AUTS2: variants seen among roughly 807,000 people sequenced by gnomAD.
AUTS2 encodes activator of transcription and developmental regulator AUTS2.
AUTS2 carries 17 observed loss-of-function variants against 112.4 expected under a neutral mutation model. The observed-to-expected ratio is 0.15, with a 90% CI of 0.10 to 0.23. The LOEUF (loss-of-function observed/expected upper bound fraction) is 0.23, where lower values mean the gene tolerates loss of function less well. AUTS2 is among the 10% of genes least tolerant of loss of function. The probability of loss-of-function intolerance (pLI) is 1.00; values close to 1 mark genes in which losing one functional copy is unlikely to be tolerated. For missense variants in AUTS2, 1,510 were observed against 1,701.6 expected (o/e 0.89, Z 1.98); for synonymous variants, 751 against 702.7 (o/e 1.07, Z -1.09).
At chr7:70,278,610 CATACATACATACATAT>C (rs1379070929) in intron 4 of AUTS2, among the ~76,000 whole-genome samples, 3 of 146,690 alleles carry the variant, frequency 2.0e-5, no homozygotes, top group South Asian at 4.4e-4. Flanking sequence ...TACATACATA[CATACATACATACATAT>C]GTACATGCAT....
chr7:70,707,400 G>T (rs538013400), intron 6 of AUTS2, among the ~76,000 whole-genome samples: 1 of 152,206 alleles, frequency 6.6e-6, no homozygotes, highest in African/African-American at 2.4e-5. Context: ...GGTGGAGCTC[G>T]GTCCAGCTGA....
intron 1 of AUTS2, among the ~76,000 whole-genome samples, chr7:69,846,620 C>A (rs1792213126): frequency 6.6e-6 from 1 of 152,242 alleles, no homozygotes; most frequent in African/African-American, 2.4e-5. Context: ...GTCGCCCAGG[C>A]TGGAGTGCAG....
intron 2 of AUTS2, among the ~76,000 whole-genome samples, chr7:70,068,386 G>A (rs192194709): frequency 6.6e-5 from 10 of 151,448 alleles, no homozygotes; most frequent in East Asian, 1.9e-4. Flanking sequence ...GAGTTTAACC[G>A]TGTTAGCCAG....
intron 4 of AUTS2, among the ~76,000 whole-genome samples, chr7:70,319,295 G>T (rs905593114): frequency 1.1e-4 from 17 of 152,128 alleles, no homozygotes; most frequent in African/African-American, 3.9e-4. Context: ...AGGGATTTGC[G>T]AGTTGGGGGA....
At chr7:69,715,421 T>C (rs1562831447) in intron 1 of AUTS2, among the ~76,000 whole-genome samples, 1 of 152,102 alleles carries the variant, frequency 6.6e-6, no homozygotes, top group Admixed American at 6.5e-5. Context: ...AGATATTTCA[T>C]AGGCCACTGG....
intron 4 of AUTS2, among the ~76,000 whole-genome samples, chr7:70,430,531 A>G (rs1795613261): frequency 6.6e-6 from 1 of 152,136 alleles, no homozygotes; most frequent in East Asian, 1.9e-4. Context: ...GTGGGCATAG[A>G]GATTTTTGAG....
At chr7:69,726,860 AT>A (rs1414742715) in intron 1 of AUTS2, among the ~76,000 whole-genome samples, 1 of 151,948 alleles carries the variant, frequency 6.6e-6, no homozygotes, top group East Asian at 1.9e-4. Flanking sequence ...ACCATTTTCA[AT>A]TTGGTTATCT....
intron 5 of AUTS2, among the ~76,000 whole-genome samples, chr7:70,446,756 C>A (rs1244608976): frequency 6.6e-6 from 1 of 152,132 alleles, no homozygotes; most frequent in African/African-American, 2.4e-5. Context: ...TTCAGGCAGG[C>A]GGTCTGATGG....
intron 4 of AUTS2, among the ~76,000 whole-genome samples, chr7:70,228,390 T>G (rs1262677537): frequency 1.3e-5 from 2 of 151,614 alleles, no homozygotes; most frequent in African/African-American, 4.8e-5. Context: ...TAACAATCTC[T>G]TTTTTTTGAA....
At chr7:70,784,701 C>CGCTGGGAAAGAGAAA (rs1563197662) in intron 15 of AUTS2, 1 of 520,596 alleles carries the variant, frequency 1.9e-6, no homozygotes, top group Non-Finnish European at 3.3e-6. Context: ...TGGCCAGCCA[C>CGCTGGGAAAGAGAAA]GCTGGGAAAG....
intron 5 of AUTS2, among the ~76,000 whole-genome samples, chr7:70,532,600 G>A (rs763532314): frequency 5.3e-5 from 8 of 152,156 alleles, no homozygotes; most frequent in African/African-American, 1.2e-4. Context: ...CTGCATTCGC[G>A]TATCCAGCTA....
At chr7:70,591,932 G>A (rs1190152761) in intron 5 of AUTS2, among the ~76,000 whole-genome samples, 1 of 152,150 alleles carries the variant, frequency 6.6e-6, no homozygotes, top group East Asian at 1.9e-4. Flanking sequence ...TTCCCAGGAG[G>A]CTCACGGACT....
chr7:70,035,105 A>G (rs970820481), intron 2 of AUTS2, among the ~76,000 whole-genome samples: 15 of 152,340 alleles, frequency 9.8e-5, no homozygotes, highest in African/African-American at 3.4e-4. Context: ...AGAGGAGACT[A>G]TAGAAAACAG....
intron 1 of AUTS2, among the ~76,000 whole-genome samples, chr7:69,678,807 C>T (rs1796678732): frequency 6.6e-6 from 1 of 152,198 alleles, no homozygotes; most frequent in Admixed American, 6.5e-5. Flanking sequence ...AACCATAGAT[C>T]CATCTATTTC....
intron 5 of AUTS2, among the ~76,000 whole-genome samples, chr7:70,578,885 T>C (rs1802294531): frequency 6.6e-6 from 1 of 151,750 alleles, no homozygotes; most frequent in African/African-American, 2.4e-5. Context: ...AGTTATATTA[T>C]CTTTTCTTTT....
rs530392917 is a variant in AUTS2, at chr7:70,642,651, T to TA, written c.691-55917dup. Among the ~76,000 whole-genome samples, 129 of 152,328 alleles carry TA rather than the reference T, an allele frequency of 8.5e-4. 2 individuals carry two copies. Among genetic ancestry groups the TA allele is most frequent in the African/African-American group, 3.1e-3 (128 of 41,576 alleles). On this transcript the variant is annotated intron_variant, in intron 5 of 18. Transcript: ENST00000342771. ...GTCCATACTGATGACATTCCTTCCC[T>TA]ACATTCTCAGTGGAAGACATATCAC...
chr7:69,750,573 G>A (rs1352915051), intron 1 of AUTS2, among the ~76,000 whole-genome samples: 1 of 151,842 alleles, frequency 6.6e-6, no homozygotes, highest in African/African-American at 2.4e-5. Flanking sequence ...ATAACTCACT[G>A]TAGCCTCAAA....
chr7:70,009,918 A>T (rs1291383303), intron 2 of AUTS2, among the ~76,000 whole-genome samples: 1 of 152,172 alleles, frequency 6.6e-6, no homozygotes, highest in African/African-American at 2.4e-5. Context: ...TACCTTATCC[A>T]CTTTTAAAAT....
intron 1 of AUTS2, among the ~76,000 whole-genome samples, chr7:69,740,992 C>T (rs1787241037): frequency 6.6e-6 from 1 of 152,130 alleles, no homozygotes; most frequent in African/African-American, 2.4e-5. Flanking sequence ...CTTCTAGTTA[C>T]CATCTTGTTG....
Sources: gnomAD v4.1 joint callset for allele counts (sites outside exome capture counted in the v4.1 genomes callset) on GRCh38, gnomAD v4.1.1 for gene constraint, MANE v1.5 for transcripts, NCBI Gene and HGNC (gene_info 2026-07-23, HGNC 2026-07-21) for gene names.